The following GLT8D2 variants were observed in gnomAD, a reference collection of about 807,000 sequenced individuals.
GLT8D2 encodes the protein glycosyltransferase 8 domain containing 2.
Under a neutral mutation model 44.5 loss-of-function variants are expected in GLT8D2, and 45 were observed. The ratio of observed to expected loss-of-function variants is 1.01; its 90% CI spans 0.80 to 1.30. The LOEUF (loss-of-function observed/expected upper bound fraction) is 1.30. Ranked by LOEUF, GLT8D2 falls within the 50% of genes most tolerant of loss-of-function variation. GLT8D2 has a pLI of 0.00. For synonymous variants in GLT8D2, 156 were observed against 157.2 expected (o/e 0.99, Z 0.06); for missense variants, 400 against 430.4 (o/e 0.93, Z 0.62).
intron 1 of GLT8D2, among the ~76,000 whole-genome samples, chr12:104,027,151 A>C (rs2136412596): frequency 6.6e-6 from 1 of 152,324 alleles, no homozygotes; most frequent in Middle Eastern, 3.4e-3. Flanking sequence ...CTGAACACCC[A>C]AGAGCTTTGA....
At chr12:104,062,492 T>C (rs1395250027) in intron 1 of GLT8D2, among the ~76,000 whole-genome samples, 1 of 152,130 alleles carries the variant, frequency 6.6e-6, no homozygotes, top group Non-Finnish European at 1.5e-5. Context: ...TAAGAGAAAT[T>C]GAAAATGGTA....
chr12:103,990,983 A>G (rs908704135), intron 10 of GLT8D2, among the ~76,000 whole-genome samples: 1 of 152,178 alleles, frequency 6.6e-6, no homozygotes, highest in African/African-American at 2.4e-5. Flanking sequence ...CCCAAACTTA[A>G]TGCCCATTAG....
chr12:104,052,368 G>A (rs1475557977), upstream of GLT8D2, among the ~76,000 whole-genome samples: 2 of 152,178 alleles, frequency 1.3e-5, no homozygotes, highest in African/African-American at 4.8e-5. Flanking sequence ...TTTCTGGTAG[G>A]TAAGTTGAAC....
At chr12:104,023,503 T>A (rs776885631) in intron 1 of GLT8D2, among the ~76,000 whole-genome samples, 15 of 152,236 alleles carry the variant, frequency 9.9e-5, no homozygotes, top group Non-Finnish European at 2.1e-4. Context: ...TATTACCATG[T>A]CAGCTTCAAA....
chr12:104,020,901 C>T (rs1045050018), intron 2 of GLT8D2, among the ~76,000 whole-genome samples: 14 of 152,132 alleles, frequency 9.2e-5, no homozygotes, highest in Non-Finnish European at 1.9e-4. Context: ...AGAGAGGTAC[C>T]AAGGGGCCGG....
intron 6 of GLT8D2, among the ~76,000 whole-genome samples, chr12:103,998,727 A>G (rs528073084): frequency 2.6e-5 from 4 of 152,174 alleles, no homozygotes; most frequent in South Asian, 2.1e-4. Context: ...AACTTTTTTA[A>G]GTATAAACAG....
At chr12:104,055,593 T>C (rs1435932995) in intron 1 of GLT8D2, among the ~76,000 whole-genome samples, 1 of 152,258 alleles carries the variant, frequency 6.6e-6, no homozygotes, top group East Asian at 1.9e-4. Context: ...GCATTTTATA[T>C]TTGTGGTATC....
rs1296709552 is a variant in GLT8D2 at position 104,021,983 on chromosome 12, G to GGAA, written c.-163-495_-163-493dup. 1.5e-3 allele frequency among the ~76,000 whole-genome samples: 28 copies of GGAA among 18,196 alleles called. 3 individuals are homozygous for GGAA. The highest frequency in any genetic ancestry group is 2.1e-3 in the Non-Finnish European group (20 of 9,400). 11.9% of individuals were successfully genotyped at this position (18,196 alleles called of 152,430 possible). On this transcript the variant is annotated intron_variant, in intron 1 of 10. Coordinates refer to ENST00000360814, the MANE Select transcript of GLT8D2 (RefSeq NM_001384711.1). ...AAGAAGAGGAAGAGGAAGAGGAAGA[G>GGAA]GAAGAAGAAGAAGAAGAAGAAGAAG...
chr12:103,992,137 G>A (rs528209609), intron 10 of GLT8D2, among the ~76,000 whole-genome samples: 2 of 152,320 alleles, frequency 1.3e-5, no homozygotes, highest in South Asian at 4.1e-4. Flanking sequence ...TTGGATCAGG[G>A]ATTGTGGCCA....
upstream of GLT8D2, among the ~76,000 whole-genome samples, chr12:104,054,134 G>C (rs1881969661): frequency 1.3e-5 from 2 of 151,880 alleles, no homozygotes; most frequent in South Asian, 4.2e-4. Flanking sequence ...TCTGATAACT[G>C]AAAGTTTATA....
chr12:104,012,644 C>G (rs766261564), intron 4 of GLT8D2: 17 of 486,770 alleles, frequency 3.5e-5, no homozygotes, highest in Non-Finnish European at 6.1e-5. Context: ...CTCTCTCTCT[C>G]TTTTAGAACA....
intron 4 of GLT8D2, among the ~76,000 whole-genome samples, chr12:104,006,670 G>A (rs1193402793): frequency 6.6e-6 from 1 of 152,132 alleles, no homozygotes; most frequent in African/African-American, 2.4e-5. Flanking sequence ...GCCAGCACAG[G>A]GAGACAGATT....
intron 10 of GLT8D2, among the ~76,000 whole-genome samples, 190 bp downstream of exon 10, chr12:103,993,202 A>G (rs1380374624): frequency 3.3e-5 from 5 of 152,188 alleles, no homozygotes; most frequent in African/African-American, 9.6e-5. Flanking sequence ...GTGATGGCAC[A>G]TGCCTGTAAT....
chr12:104,035,776 C>A (rs1879861319), intron 1 of GLT8D2, among the ~76,000 whole-genome samples: 1 of 152,148 alleles, frequency 6.6e-6, no homozygotes. Flanking sequence ...CTTCCCCAAC[C>A]TAGCAAGGCA....
chr12:104,064,115 C>G lies in GLT8D2; in HGVS notation c.-589G>C, dbSNP rs1292874776. On this transcript the variant is annotated 5_prime_UTR_variant, in exon 1 of 11. Coordinates refer to the GLT8D2 transcript ENST00000548660. The surrounding 1 kb of genome is among the most constrained non-coding windows in gnomAD (Gnocchi z 7.3). ...AGGCAGGCTCCCGCCCGCACCCTCC[C>G]GTGCGAGGTCCCCGCCCTGCGCTCC... 1 of 152,882 alleles carries G rather than the reference C, an allele frequency of 6.5e-6. No homozygotes were observed. 9.5% of individuals were successfully genotyped at this position (152,882 alleles called of 1,614,324 possible).
intron 1 of GLT8D2, among the ~76,000 whole-genome samples, chr12:104,033,435 G>A (rs953582262): frequency 1.3e-5 from 2 of 152,126 alleles, no homozygotes; most frequent in African/African-American, 2.4e-5. Context: ...TCACTTATAT[G>A]AGAAATCTAC....
At chr12:104,025,104 G>C (rs1376871684) in intron 1 of GLT8D2, among the ~76,000 whole-genome samples, 1 of 148,792 alleles carries the variant, frequency 6.7e-6, no homozygotes, top group African/African-American at 2.5e-5. Context: ...TGTGTTACGC[G>C]ATTTGCAAAT....
In GLT8D2 at chr12:104,022,055, AG is replaced by A. The variant is rs3037217; in HGVS notation, c.-163-565del. Reference sequence around the variant, plus strand: ...AAGAAGAAGAAGAAGAAGAAGAAGAAGGGAAAGAAAGAAAGAAAGAAAAAAA... The same window carrying A: ...AAGAAGAAGAAGAAGAAGAAGAAGAAGGAAAGAAAGAAAGAAAGAAAAAAA... On this transcript the variant is annotated intron_variant, in intron 1 of 10. Transcript: ENST00000360814. 9.5e-5 allele frequency among the ~76,000 whole-genome samples: 12 copies of A among 125,674 alleles called. 2 individuals are homozygous for A. In the South Asian group the frequency reaches 1.0e-3, roughly 11 times the overall value. The allele number at this position is 125,674 out of a possible 152,430, so 82.4% of individuals were successfully genotyped here.
intron 1 of GLT8D2, among the ~76,000 whole-genome samples, chr12:104,047,338 C>G (rs1350709670): frequency 6.9e-6 from 1 of 144,726 alleles, no homozygotes; most frequent in Non-Finnish European, 1.5e-5. Context: ...GAGTTTCGCT[C>G]TCGTTGCCCA....
Sources: allele counts gnomAD v4.1 joint callset (sites outside exome capture counted in the v4.1 genomes callset), GRCh38; gene constraint gnomAD v4.1.1; non-coding constraint Gnocchi (gnomAD v3.1); transcripts MANE v1.5; gene names NCBI Gene and HGNC (gene_info 2026-07-23, HGNC 2026-07-21).